ITGA9: variants seen among roughly 807,000 people sequenced by gnomAD.
ITGA9 encodes integrin subunit alpha 9, also known as integrin alpha-9.
A neutral mutation model predicts 127.8 loss-of-function variants in ITGA9; 56 were observed. The ratio of observed to expected loss-of-function variants is 0.44; its 90% CI spans 0.35 to 0.55. The LOEUF (loss-of-function observed/expected upper bound fraction) is 0.55, where lower values mean the gene tolerates loss of function less well. Among genes scored for constraint, ITGA9 ranks in the 20% least tolerant of loss-of-function variants. The pLI is 0.00. For synonymous variants in ITGA9, 508 were observed against 514.5 expected (o/e 0.99, Z 0.17); for missense variants, 1,196 against 1,347.1 (o/e 0.89, Z 1.76).
At chr3:37,483,096 G>C (rs1698573118) in intron 4 of ITGA9, among the ~76,000 whole-genome samples, 1 of 152,174 alleles carries the variant, frequency 6.6e-6, no homozygotes, top group Admixed American at 6.5e-5. Context: ...AGGAGCGATG[G>C]GCTCAGCAGG....
chr3:37,777,631 A>G, intron 24 of ITGA9, 114 bp downstream of exon 24: 1 of 1,216,668 alleles, frequency 8.2e-7, no homozygotes, highest in Non-Finnish European at 1.2e-6. Flanking sequence ...TTTGACTTAC[A>G]AAGGCACAGA....
At chr3:37,762,351 C>T (rs1267883291) in intron 23 of ITGA9, among the ~76,000 whole-genome samples, 1 of 152,188 alleles carries the variant, frequency 6.6e-6, no homozygotes, top group African/African-American at 2.4e-5. Flanking sequence ...GGTACAGAAG[C>T]TTATATACCA....
intron 18 of ITGA9, among the ~76,000 whole-genome samples, chr3:37,713,651 T>C (rs1701102429): frequency 6.6e-6 from 1 of 152,210 alleles, no homozygotes; most frequent in South Asian, 2.1e-4. Flanking sequence ...GCAGGAAATC[T>C]GAACCTGCTG....
intron 15 of ITGA9, among the ~76,000 whole-genome samples, chr3:37,598,339 G>T (rs1699887258): frequency 6.6e-6 from 1 of 152,170 alleles, no homozygotes; most frequent in Non-Finnish European, 1.5e-5. Flanking sequence ...TGAAAGGTGG[G>T]CAGAAGCCTC....
intron 8 of ITGA9, among the ~76,000 whole-genome samples, chr3:37,512,953 A>G (rs945207665): frequency 1.2e-4 from 18 of 152,216 alleles, no homozygotes; most frequent in African/African-American, 4.3e-4. Context: ...TTAAAAGTCA[A>G]TATTATCTTG....
intron 23 of ITGA9, among the ~76,000 whole-genome samples, chr3:37,755,784 A>G (rs1280413396): frequency 6.6e-6 from 1 of 152,170 alleles, no homozygotes; most frequent in Non-Finnish European, 1.5e-5. Flanking sequence ...AGAGAGATGG[A>G]AATGAAAGCA....
chr3:37,641,499 TA>T (rs755192331), intron 16 of ITGA9, among the ~76,000 whole-genome samples: 4 of 152,012 alleles, frequency 2.6e-5, no homozygotes, highest in Non-Finnish European at 4.4e-5. Flanking sequence ...GGAGGACCCA[TA>T]TAACCAGAAC....
At chr3:37,756,796 G>A (rs1185065320) in intron 23 of ITGA9, among the ~76,000 whole-genome samples, 1 of 152,150 alleles carries the variant, frequency 6.6e-6, no homozygotes, top group Non-Finnish European at 1.5e-5. Flanking sequence ...TAAAGTCAAA[G>A]CAGTAGAAGC....
chr3:37,758,751 T>TA (rs145795419), intron 23 of ITGA9, among the ~76,000 whole-genome samples: 3,184 of 148,054 alleles, frequency 0.022, 108 homozygotes, highest in African/African-American at 0.071. Flanking sequence ...CCTTTATTCT[T>TA]AAAAAAAAAA....
chr3:37,573,219 T>A (rs6550481), intron 15 of ITGA9: 2 of 151,814 alleles, frequency 1.3e-5, no homozygotes, highest in African/African-American at 4.8e-5. Flanking sequence ...CACTCAGAGC[T>A]GGGATTTTAA....
chr3:37,496,206 A>T (rs78066672), intron 5 of ITGA9, among the ~76,000 whole-genome samples: 1,713 of 152,312 alleles, frequency 0.011, 9 homozygotes, highest in Non-Finnish European at 0.017. Context: ...AAAGGCAGAA[A>T]GTCTGAAGTT....
In ITGA9 at chr3:37,490,975, C is replaced by CCCTTTTTTTTTTT. The variant is rs548395527; in HGVS notation, c.545-3526_545-3525insCCTTTTTTTTTTT. Among the ~76,000 whole-genome samples the CCCTTTTTTTTTTT allele has an allele frequency of 1.9e-5, 2 of 105,104 alleles. 1 individual carries two copies. Among genetic ancestry groups the CCCTTTTTTTTTTT allele is most frequent in the Non-Finnish European group, 3.9e-5 (2 of 51,014 alleles). 69.0% of individuals were successfully genotyped at this position (105,104 alleles called of 152,430 possible). A position where few individuals can be genotyped will look rare whatever the true frequency, so the allele number is the denominator to read the frequency against. On this transcript the variant is annotated intron_variant, in intron 4 of 27. Coordinates refer to ENST00000264741, the MANE Select transcript of ITGA9 (RefSeq NM_002207.3). ...GGTCTCAGATTTGGCTTCCCCCCCG[C>CCCTTTTTTTTTTT]TTTTTTTTTTTTTTTTTTTGAGACC...
At chr3:37,816,284 G>A (rs948106620) in intron 27 of ITGA9, among the ~76,000 whole-genome samples, 1 of 152,190 alleles carries the variant, frequency 6.6e-6, no homozygotes, top group Admixed American at 6.5e-5. Context: ...TAAGGGGGCA[G>A]ACTGTTAAGT....
intron 15 of ITGA9, among the ~76,000 whole-genome samples, chr3:37,545,378 C>A (rs1699316206): frequency 6.7e-6 from 1 of 150,334 alleles, no homozygotes; most frequent in Admixed American, 6.6e-5. Flanking sequence ...CTTTTTTTTT[C>A]TCCCTCTCCT....
At chr3:37,509,036 A>C (rs188781737) in intron 8 of ITGA9, among the ~76,000 whole-genome samples, 1 of 152,138 alleles carries the variant, frequency 6.6e-6, no homozygotes, top group Non-Finnish European at 1.5e-5. Context: ...TCACCAGCCC[A>C]ACATTACCCC....
intron 24 of ITGA9, 81 bp from the exon 25 acceptor site, chr3:37,779,821 G>A: frequency 1.4e-6 from 2 of 1,391,432 alleles, no homozygotes; most frequent in Non-Finnish European, 2.0e-6. Context: ...CCAAGTTCAT[G>A]GAGCCCACTA....
chr3:37,463,860 T>C (rs572760873), intron 1 of ITGA9, among the ~76,000 whole-genome samples: 75 of 152,012 alleles, frequency 4.9e-4, no homozygotes, highest in South Asian at 6.2e-4. Context: ...TTAACCTAAA[T>C]AGCAAACACA....
intron 4 of ITGA9, among the ~76,000 whole-genome samples, chr3:37,487,800 A>G (rs1474249229): frequency 1.3e-5 from 2 of 152,066 alleles, no homozygotes; most frequent in African/African-American, 2.4e-5. Flanking sequence ...CTTGGTGATT[A>G]CTGAGTGCTG....
At chr3:37,538,436 G>T (rs1238330013) in intron 14 of ITGA9, among the ~76,000 whole-genome samples, 1 of 152,190 alleles carries the variant, frequency 6.6e-6, no homozygotes, top group Non-Finnish European at 1.5e-5. Context: ...ATTCGACATG[G>T]CAGGGACACA....
Sources: allele counts gnomAD v4.1 joint callset (sites outside exome capture counted in the v4.1 genomes callset), GRCh38; gene constraint gnomAD v4.1.1; transcripts MANE v1.5; gene names NCBI Gene and HGNC (gene_info 2026-07-23, HGNC 2026-07-21).